Variants in CELF4 observed in about 807,000 individuals in gnomAD.
CELF4 encodes the protein CUG-BP- and ETR-3-like factor 4.
In CELF4, 18 loss-of-function variants were observed where a neutral mutation model predicts 59.9. The observed-to-expected ratio is 0.30, with a 90% CI of 0.21 to 0.45. The LOEUF (loss-of-function observed/expected upper bound fraction) is 0.45, where lower values mean the gene tolerates loss of function less well. Among genes scored for constraint, CELF4 ranks in the 20% least tolerant of loss-of-function variants. The pLI is 1.00. For missense variants in CELF4, 456 were observed against 689.0 expected (o/e 0.66, Z 3.79); for synonymous variants, 261 against 267.1 (o/e 0.98, Z 0.22).
chr18:37,410,745 C>T (rs938926424), intron 2 of CELF4, among the ~76,000 whole-genome samples: 2 of 152,112 alleles, frequency 1.3e-5, no homozygotes, highest in African/African-American at 2.4e-5. Context: ...GCCTGCACAC[C>T]CCCGTCACCG....
intron 2 of CELF4, among the ~76,000 whole-genome samples, chr18:37,353,043 A>G (rs999005125): frequency 4.6e-5 from 7 of 151,932 alleles, no homozygotes; most frequent in Admixed American, 6.6e-5. Context: ...AACACGGTGA[A>G]ACCCTGTCTC....
At chr18:37,310,556 C>T (rs1399254147) in intron 3 of CELF4, among the ~76,000 whole-genome samples, 2 of 152,170 alleles carry the variant, frequency 1.3e-5, no homozygotes, top group African/African-American at 2.4e-5. Context: ...TGAGCTCTTC[C>T]GTGCTCAGAT....
chr18:37,458,975 A>G (rs2099786249), intron 2 of CELF4, among the ~76,000 whole-genome samples: 1 of 152,194 alleles, frequency 6.6e-6, no homozygotes, highest in African/African-American at 2.4e-5. Context: ...GCTTGTTGCT[A>G]TCTGGAGAGC....
At chr18:37,550,099 G>A (rs2099982712) in intron 1 of CELF4, among the ~76,000 whole-genome samples, 2 of 141,750 alleles carry the variant, frequency 1.4e-5, no homozygotes, top group Middle Eastern at 3.7e-3. Flanking sequence ...GGGGGGATCC[G>A]TGGGAAGAAA....
chr18:37,525,810 T>G (rs1385892422), intron 1 of CELF4, among the ~76,000 whole-genome samples: 1 of 152,170 alleles, frequency 6.6e-6, no homozygotes, highest in Non-Finnish European at 1.5e-5. Flanking sequence ...CGAAAATAAT[T>G]ATTAAAAACC....
intron 3 of CELF4, among the ~76,000 whole-genome samples, chr18:37,282,640 C>G (rs547132998): frequency 6.6e-6 from 1 of 152,198 alleles, no homozygotes; most frequent in Non-Finnish European, 1.5e-5. Flanking sequence ...TGGATAGGGA[C>G]AGGGGTCTGC....
chr18:37,389,194 C>T (rs1603633777), intron 2 of CELF4, among the ~76,000 whole-genome samples: 1 of 152,198 alleles, frequency 6.6e-6, no homozygotes, highest in African/African-American at 2.4e-5. Context: ...CTGTCTTGCT[C>T]AGATGTGACG....
chr18:37,279,642 G>T (rs2093870873), intron 3 of CELF4, among the ~76,000 whole-genome samples: 2 of 152,204 alleles, frequency 1.3e-5, no homozygotes, highest in African/African-American at 4.8e-5. Context: ...GTTGGAACTG[G>T]CATCTGGGTG....
intron 2 of CELF4, among the ~76,000 whole-genome samples, chr18:37,465,570 T>C (rs975567166): frequency 1.3e-5 from 2 of 152,076 alleles, no homozygotes; most frequent in African/African-American, 2.4e-5. Flanking sequence ...TCTGCTTTGC[T>C]TGAAGACAGT....
intron 2 of CELF4, among the ~76,000 whole-genome samples, chr18:37,452,520 T>C (rs1349533809): frequency 6.6e-6 from 1 of 152,094 alleles, no homozygotes; most frequent in Admixed American, 6.5e-5. Flanking sequence ...GACATAGGCT[T>C]GAGGGGCTAA....
At chr18:37,252,620 A>G (rs1447018227) in intron 12 of CELF4, among the ~76,000 whole-genome samples, 1 of 150,760 alleles carries the variant, frequency 6.6e-6, no homozygotes, top group Non-Finnish European at 1.5e-5. Context: ...GTTCCCTCAG[A>G]GGCGGGGGCA....
At chr18:37,394,902 T>C (rs1300420160) in intron 2 of CELF4, among the ~76,000 whole-genome samples, 2 of 151,588 alleles carry the variant, frequency 1.3e-5, no homozygotes, top group Admixed American at 6.6e-5. Flanking sequence ...CAGGCCTGTC[T>C]GGTGGCCATC....
At chr18:37,256,185 T>C (rs2069283353) in intron 11 of CELF4, among the ~76,000 whole-genome samples, 2 of 152,196 alleles carry the variant, frequency 1.3e-5, no homozygotes, top group African/African-American at 4.8e-5. Flanking sequence ...AGAAGGTTTC[T>C]GCTCCCAGGC....
chr18:37,477,861 G>C (rs1469185654), intron 2 of CELF4, among the ~76,000 whole-genome samples: 2 of 152,168 alleles, frequency 1.3e-5, no homozygotes, highest in Non-Finnish European at 2.9e-5. Flanking sequence ...TTGGGTGATG[G>C]CAGCCGTGAT....
At chr18:37,410,841 A>T (rs936996785) in intron 2 of CELF4, among the ~76,000 whole-genome samples, 3 of 152,200 alleles carry the variant, frequency 2.0e-5, no homozygotes, top group Non-Finnish European at 4.4e-5. Flanking sequence ...GTTGGCCTCA[A>T]GGCCTGAAGT....
intron 3 of CELF4, among the ~76,000 whole-genome samples, chr18:37,286,141 A>C (rs980350399): frequency 6.6e-6 from 1 of 152,128 alleles, no homozygotes; most frequent in Non-Finnish European, 1.5e-5. Flanking sequence ...GGTGGTCTAC[A>C]GGGCAGGAGG....
chr18:37,260,983 C>T (rs936330526), intron 10 of CELF4, among the ~76,000 whole-genome samples: 1 of 152,110 alleles, frequency 6.6e-6, no homozygotes, highest in African/African-American at 2.4e-5. Context: ...TGGCCCTCCC[C>T]TCACCCTGTC....
At chr18:37,464,374 A>C (rs748048763) in intron 2 of CELF4, among the ~76,000 whole-genome samples, 3 of 152,136 alleles carry the variant, frequency 2.0e-5, no homozygotes, top group Non-Finnish European at 2.9e-5. Context: ...CCTCCAGCTC[A>C]GGGCTCTTAA....
At chr18:37,286,347 T>C (rs968906404) in intron 3 of CELF4, among the ~76,000 whole-genome samples, 1 of 152,064 alleles carries the variant, frequency 6.6e-6, no homozygotes, top group Non-Finnish European at 1.5e-5. Flanking sequence ...TGTGGGGCAG[T>C]GGTCGCTGCC....
Sources: allele counts gnomAD v4.1 joint callset (sites outside exome capture counted in the v4.1 genomes callset), GRCh38; gene constraint gnomAD v4.1.1; transcripts MANE v1.5; gene names NCBI Gene and HGNC (gene_info 2026-07-23, HGNC 2026-07-21).